Variants in SPATS2L observed in about 807,000 individuals in gnomAD.
SPATS2L encodes spermatogenesis associated serine rich 2 like.
SPATS2L carries 30 observed loss-of-function variants against 59.6 expected under a neutral mutation model. The observed-to-expected ratio is 0.50, with a 90% CI of 0.38 to 0.68. The LOEUF (loss-of-function observed/expected upper bound fraction) is 0.68. SPATS2L is among the 30% of genes least tolerant of loss of function. The probability of loss-of-function intolerance (pLI) is 0.00; values close to 1 mark genes in which losing one functional copy is unlikely to be tolerated. For missense variants in SPATS2L, 615 were observed against 700.0 expected (o/e 0.88, Z 1.37); for synonymous variants, 252 against 263.5 (o/e 0.96, Z 0.42).
intron 1 of SPATS2L, among the ~76,000 whole-genome samples, chr2:200,316,502 C>T (rs2079383946): frequency 6.6e-6 from 1 of 152,198 alleles, no homozygotes; most frequent in African/African-American, 2.4e-5. Flanking sequence ...AGGCCCTTTC[C>T]AGAGGGCATA....
chr2:200,407,589 A>T (rs568864523), intron 3 of SPATS2L, among the ~76,000 whole-genome samples: 3 of 152,230 alleles, frequency 2.0e-5, no homozygotes, highest in Non-Finnish European at 4.4e-5. Context: ...CCTTGGAAGG[A>T]TAGACAGGCA....
chr2:200,319,100 T>A (rs911865733), intron 1 of SPATS2L, among the ~76,000 whole-genome samples: 14 of 152,196 alleles, frequency 9.2e-5, no homozygotes, highest in African/African-American at 2.9e-4. Flanking sequence ...TGCCACAGAA[T>A]AAATATGCAC....
intron 1 of SPATS2L, among the ~76,000 whole-genome samples, chr2:200,320,328 T>A (rs1399533120): frequency 6.6e-6 from 1 of 152,250 alleles, no homozygotes; most frequent in Non-Finnish European, 1.5e-5. Context: ...CTAAGTCACC[T>A]TATTTTTAAT....
chr2:200,416,223 G>A (rs2083050858), intron 4 of SPATS2L, among the ~76,000 whole-genome samples, 156 bp from the exon 5 acceptor site: 2 of 136,284 alleles, frequency 1.5e-5, no homozygotes, highest in African/African-American at 5.5e-5. Context: ...AATAAAAAAT[G>A]AAACTGGCAT....
chr2:200,370,171 A>G (rs1172504520), intron 2 of SPATS2L, among the ~76,000 whole-genome samples: 1 of 152,276 alleles, frequency 6.6e-6, no homozygotes, highest in African/African-American at 2.4e-5. Flanking sequence ...ATTGACAAAA[A>G]GAGAAAACAT....
At chr2:200,421,900 G>T (rs1027210735) in intron 6 of SPATS2L, among the ~76,000 whole-genome samples, 4 of 152,158 alleles carry the variant, frequency 2.6e-5, no homozygotes, top group South Asian at 4.1e-4. Context: ...TAGACTAAAA[G>T]CTTAGCATAT....
At chr2:200,335,036 C>A (rs1348783264) in intron 2 of SPATS2L, among the ~76,000 whole-genome samples, 1 of 152,022 alleles carries the variant, frequency 6.6e-6, no homozygotes, top group Non-Finnish European at 1.5e-5. Flanking sequence ...GTAGTTTTTT[C>A]CAATTCTGTG....
chr2:200,321,729 T>C (rs552665994), intron 1 of SPATS2L, among the ~76,000 whole-genome samples: 30 of 152,360 alleles, frequency 2.0e-4, no homozygotes, highest in African/African-American at 7.0e-4. Flanking sequence ...TCGCATTTTA[T>C]GGAGAGGCAG....
At chr2:200,371,769 G>A (rs1374086940) in intron 2 of SPATS2L, among the ~76,000 whole-genome samples, 1 of 152,204 alleles carries the variant, frequency 6.6e-6, no homozygotes, top group Non-Finnish European at 1.5e-5. Context: ...CAGTGTTGAA[G>A]CTTCACCAAC....
intron 1 of SPATS2L, among the ~76,000 whole-genome samples, chr2:200,321,196 C>A (rs13028959): frequency 0.39 from 59,962 of 151,870 alleles, 13,293 homozygotes; most frequent in East Asian, 0.73. Flanking sequence ...TTTAAACTAG[C>A]TCTTGGTGGA....
At chr2:200,321,160 G>T (rs753667177) in intron 1 of SPATS2L, among the ~76,000 whole-genome samples, 4 of 152,118 alleles carry the variant, frequency 2.6e-5, no homozygotes, top group Non-Finnish European at 5.9e-5. Context: ...GGTTGTGAGT[G>T]TGTGTGCATG....
At position 200,477,766 on chromosome 2, in the gene SPATS2L, A is replaced by T. The variant is rs747975596; in HGVS notation, c.1412A>T (p.His471Leu). 2.0e-5 allele frequency: 31 copies of T among 1,581,936 alleles called. No individual in the cohort carries two copies. The East Asian group carries it at 7.2e-4, about 37-fold the overall frequency. The change falls in exon 13 of 13, where the codon CAC (histidine) becomes CTC (leucine). Residue 471 changes from histidine (H) to leucine (L), a missense_variant. This residue lies in a region of SPATS2L where 284 missense variants were observed against 280.1 expected (regional missense o/e 1.01). Transcript: ENST00000409140. The stretch of plus-strand genomic sequence containing the variant: ...GGAAAGGGCAACAGCCGCCACGAAC[A>T]CAGAAGACAGCCGCACAACGGCTTC... ...PLGKGNSRHEHRRQPHNGFRP... is the reference protein window; with the variant it reads ...PLGKGNSRHELRRQPHNGFRP...
intron 11 of SPATS2L, among the ~76,000 whole-genome samples, chr2:200,470,783 C>A (rs1408801832): frequency 6.6e-6 from 1 of 152,196 alleles, no homozygotes; most frequent in African/African-American, 2.4e-5. Context: ...TATAGTAACA[C>A]AATTTGCTTT....
chr2:200,465,252 C>T (rs796581238), intron 9 of SPATS2L, among the ~76,000 whole-genome samples: 26 of 152,316 alleles, frequency 1.7e-4, no homozygotes, highest in African/African-American at 6.0e-4. Flanking sequence ...TGGCTTCAGC[C>T]GTTTGTCACC....
At position 200,477,616 on chromosome 2, in the gene SPATS2L, T is replaced by C. The variant is rs191380307; in HGVS notation, c.1282-20T>C. Reference sequence around the variant, plus strand: ...GTGGCTTGCTGGCATCTGATACTTATCTCTTTTCTTTTTTGGTAGAATGGA... The same window carrying C: ...GTGGCTTGCTGGCATCTGATACTTACCTCTTTTCTTTTTTGGTAGAATGGA... On this transcript the variant is annotated intron_variant, in intron 12 of 12. Coordinates refer to ENST00000409140, the MANE Select transcript of SPATS2L (RefSeq NM_001100423.2). The C allele has an allele frequency of 5.5e-5, 83 of 1,506,714 alleles. No individual in the cohort carries two copies. The highest frequency in any genetic ancestry group is 1.6e-4 in the East Asian group (6 of 38,132). 93.3% of individuals were successfully genotyped at this position (1,506,714 alleles called of 1,614,324 possible). A position where few individuals can be genotyped will look rare whatever the true frequency, so the allele number is the denominator to read the frequency against.
intron 1 of SPATS2L, among the ~76,000 whole-genome samples, chr2:200,313,862 C>T (rs2079274718): frequency 6.6e-6 from 1 of 152,122 alleles, no homozygotes; most frequent in South Asian, 2.1e-4. Context: ...TGTTCTTGAC[C>T]ACTCTCTGCT....
At chr2:200,387,612 A>G (rs3769451) in intron 2 of SPATS2L, among the ~76,000 whole-genome samples, 27,555 of 152,248 alleles carry the variant, frequency 0.18, 2,920 homozygotes, top group South Asian at 0.38. Flanking sequence ...ACGTAAGTGT[A>G]AAAGAAAATA....
At chr2:200,439,688 AT>A (rs1274964126) in intron 7 of SPATS2L, among the ~76,000 whole-genome samples, 7 of 152,224 alleles carry the variant, frequency 4.6e-5, no homozygotes, top group African/African-American at 1.4e-4. Flanking sequence ...TGTTTCCCTG[AT>A]ACACAATTGC....
At chr2:200,471,378 C>A (rs1361260606) in intron 11 of SPATS2L, among the ~76,000 whole-genome samples, 1 of 152,162 alleles carries the variant, frequency 6.6e-6, no homozygotes, top group East Asian at 1.9e-4. Context: ...TCCACTTCAG[C>A]CCTCAATGAG....
Sources: allele counts gnomAD v4.1 joint callset (sites outside exome capture counted in the v4.1 genomes callset), GRCh38; gene constraint gnomAD v4.1.1; regional missense constraint gnomAD v4.1.1; transcripts MANE v1.5; gene names NCBI Gene and HGNC (gene_info 2026-07-23, HGNC 2026-07-21).